Variants in SAMD4B observed in about 807,000 individuals in gnomAD.
SAMD4B encodes the protein sterile alpha motif domain containing 4B.
Under a neutral mutation model 74.5 loss-of-function variants are expected in SAMD4B, and 5 were observed. That is an observed-to-expected ratio of 0.07 (90% CI 0.04 to 0.14). The LOEUF is 0.14. Ranked by LOEUF, SAMD4B falls within the 10% of genes least tolerant of loss-of-function variation. The pLI, the probability that SAMD4B is intolerant of heterozygous loss-of-function variation, is 1.00. For missense variants in SAMD4B, 608 were observed against 921.8 expected, an observed-to-expected ratio of 0.66 and a Z score of 4.41; for synonymous variants, 373 against 374.9, an observed-to-expected ratio of 1.00 and a Z score of 0.06.
Position 39,378,545 on chromosome 19 carries a change from A to C in SAMD4B, c.1486A>C (p.Ile496Leu). 2 of 1,614,020 alleles carry C rather than the reference A, an allele frequency of 1.2e-6. No homozygotes were observed. Among genetic ancestry groups the C allele is most frequent in the Non-Finnish European group, 1.7e-6 (2 of 1,179,954 alleles). ...GGTGTCCCGACCAGACGAGGAGAACATCACCAGTTACCTCCAGCTCATCGA... is the reference window on the plus strand; with the variant it reads ...GGTGTCCCGACCAGACGAGGAGAACCTCACCAGTTACCTCCAGCTCATCGA... The part of the protein sequence containing the change: ...LLVSRPDEEN[I>L]TSYLQLIEKC... The change falls in exon 9 of 14, where the codon ATC (isoleucine) becomes CTC (leucine). Residue 496 changes from isoleucine to leucine, a missense_variant. Ile to Leu is a conservative substitution (Grantham distance 5, BLOSUM62 2). This residue lies in a region of SAMD4B where 27 missense variants were observed against 48.6 expected (regional missense o/e 0.56). Coordinates refer to ENST00000610417, the MANE Select transcript of SAMD4B (RefSeq NM_001384574.2). This position sits in a 1 kb window ranked among gnomAD's most constrained non-coding sequence, Gnocchi z 4.4.
chr19:39,379,579 C>CT (rs1311772086), intron 9 of SAMD4B, among the ~76,000 whole-genome samples: 1 of 152,056 alleles, frequency 6.6e-6, no homozygotes, highest in East Asian at 1.9e-4. Flanking sequence ...AGCAATGAAT[C>CT]TTTTTTTTGG....
At chr19:39,388,718 G>GAGGCAGCAAGGAGCAGGCCAAGGT, downstream of SAMD4B, 3 of 1,608,326 alleles carry the variant, frequency 1.9e-6, no homozygotes, top group Non-Finnish European at 2.6e-6. Flanking sequence ...GTGAGGACAA[G>GAGGCAGCAAGGAGCAGGCCAAGGT]AGGCAGCAAG....
At chr19:39,386,215 C>T (rs1200921107), downstream of SAMD4B, 1 of 1,614,070 alleles carries the variant, frequency 6.2e-7, no homozygotes, top group African/African-American at 1.3e-5. The surrounding 1 kb of genome is among the most constrained non-coding windows in gnomAD (Gnocchi z 6.1). Context: ...TCAGAATCAG[C>T]ATCACTGCCA....
intron 4 of SAMD4B, among the ~76,000 whole-genome samples, chr19:39,371,538 C>T (rs945512617): frequency 6.6e-6 from 1 of 152,060 alleles, no homozygotes; most frequent in Non-Finnish European, 1.5e-5. Flanking sequence ...AGTGCTAGTC[C>T]GGGCATGGTG....
At chr19:39,348,026 G>A (rs1172009317) in intron 1 of SAMD4B, among the ~76,000 whole-genome samples, 2 of 152,164 alleles carry the variant, frequency 1.3e-5, no homozygotes, top group East Asian at 3.9e-4. Context: ...TAGACAGGGG[G>A]ATCAGAAGAG....
Position 39,370,041 on chromosome 19 carries a change from C to T in SAMD4B, c.583C>T (p.Pro195Ser). The T allele has an allele frequency of 6.8e-6, 11 of 1,612,238 alleles. No individual in the cohort carries two copies. The highest frequency in any genetic ancestry group is 4.0e-5 in the African/African-American group (3 of 74,998). ...EAGPGWQDKP[P>S]RENGHVPFHP... The stretch of plus-strand genomic sequence containing the variant: ...AGGGCCAGGCTGGCAGGACAAGCCA[C>T]CCCGGGAAAATGGACACGTGCCCTT... Residue 195 changes from proline (P) to serine (S), a missense_variant, in exon 4 of 14, where the codon CCC becomes TCC. By Grantham distance (74) the Pro-to-Ser change is moderately conservative. Around this residue, in one of 9 missense-constraint regions of SAMD4B, gnomAD observed 153 missense variants for 153.0 expected, o/e 1.00. Transcript: ENST00000610417.
Position 39,380,669 on chromosome 19 carries a change from A to G in SAMD4B, c.1732A>G (p.Met578Val), listed in dbSNP as rs771574389. 7 of 1,613,572 alleles carry G rather than the reference A, an allele frequency of 4.3e-6. No individual in the cohort carries two copies. Among genetic ancestry groups the G allele is most frequent in the Admixed American group, 1.7e-5 (1 of 59,980 alleles). ...CCGGCGTACCCAGCGGCAGTTCCCA[A>G]TGCCTCCCCGGGCCCTCCCACCCGG... Reference protein sequence around the residue: ...VARRTQRQFPMPPRALPPGRM... With the variant: ...VARRTQRQFPVPPRALPPGRM... The change falls in exon 11 of 14, where the codon ATG becomes GTG. Residue 578 changes from methionine (M) to valine (V), a missense_variant. Transcript: ENST00000610417.
At chr19:39,389,699 G>A (rs754964193), downstream of SAMD4B, 3 of 1,614,004 alleles carry the variant, frequency 1.9e-6, no homozygotes, top group African/African-American at 1.3e-5. The surrounding 1 kb of genome is among the most constrained non-coding windows in gnomAD (Gnocchi z 5.3). Context: ...CCCCAGGTCT[G>A]GCTCAGTCAG....
At chr19:39,388,801 C>A (rs201156583), downstream of SAMD4B, 7 of 1,614,158 alleles carry the variant, frequency 4.3e-6, no homozygotes, top group Admixed American at 1.2e-4. Flanking sequence ...CGCAGCTGCA[C>A]CACTCGTGTC....
At chr19:39,359,396 C>T (rs1388159837) in intron 3 of SAMD4B, among the ~76,000 whole-genome samples, 1 of 152,202 alleles carries the variant, frequency 6.6e-6, no homozygotes, top group African/African-American at 2.4e-5. Flanking sequence ...TTCTTCCAGA[C>T]TTCACGTTCT....
chr19:39,376,648 C>G, intron 6 of SAMD4B, 57 bp from the exon 7 acceptor site: 1 of 1,596,496 alleles, frequency 6.3e-7, no homozygotes, highest in Non-Finnish European at 8.6e-7. Flanking sequence ...TTTGGGTACC[C>G]CCAAATATCT....
downstream of SAMD4B, chr19:39,387,104 G>A (rs1568372969): frequency 1.0e-5 from 5 of 489,728 alleles, no homozygotes; most frequent in East Asian, 2.0e-4. Context: ...TATACATCAT[G>A]TGAACATCAT....
chr19:39,386,613 CTGCTGGGTTTTT>C (rs774038758), downstream of SAMD4B: 6 of 1,609,890 alleles, frequency 3.7e-6, no homozygotes. This position sits in a 1 kb window ranked among gnomAD's most constrained non-coding sequence, Gnocchi z 6.1. Context: ...GGAGGGTGTT[CTGCTGGGTTTTT>C]GTCCCCCTCC....
At chr19:39,362,723 G>C (rs758118845) in intron 3 of SAMD4B, among the ~76,000 whole-genome samples, 132 of 152,208 alleles carry the variant, frequency 8.7e-4, no homozygotes, top group Non-Finnish European at 1.4e-3. Context: ...GGTCAGGGGA[G>C]CTGAATTCCA....
chr19:39,368,588 C>G (rs2077109156), intron 3 of SAMD4B, among the ~76,000 whole-genome samples: 1 of 152,116 alleles, frequency 6.6e-6, no homozygotes, highest in African/African-American at 2.4e-5. Context: ...TTGGTGCTTG[C>G]TGGTTGCCAT....
chr19:39,385,973 C>T (rs759878860), downstream of SAMD4B: 4 of 1,612,358 alleles, frequency 2.5e-6, no homozygotes, highest in African/African-American at 2.7e-5. Flanking sequence ...TCTGAACCAG[C>T]CCTGAATGCC....
At chr19:39,388,093 A>T (rs2078292498), downstream of SAMD4B, among the ~76,000 whole-genome samples, 1 of 152,166 alleles carries the variant, frequency 6.6e-6, no homozygotes, top group Non-Finnish European at 1.5e-5. Flanking sequence ...GTGGGCTGAG[A>T]TCACACCACT....
At chr19:39,346,504 G>A (rs1253949866) in intron 1 of SAMD4B, among the ~76,000 whole-genome samples, 1 of 152,140 alleles carries the variant, frequency 6.6e-6, no homozygotes, top group African/African-American at 2.4e-5. Context: ...ATGACCACTG[G>A]TTTTTGAATG....
chr19:39,348,122 C>A (rs2075808956), intron 1 of SAMD4B, among the ~76,000 whole-genome samples: 1 of 152,136 alleles, frequency 6.6e-6, no homozygotes, highest in African/African-American at 2.4e-5. Context: ...GTGGAACATT[C>A]TAATCTAAGC....
Sources: gnomAD v4.1 joint callset for allele counts (sites outside exome capture counted in the v4.1 genomes callset) on GRCh38, gnomAD v4.1.1 for gene constraint, gnomAD v4.1.1 regional missense constraint, Gnocchi (gnomAD v3.1) non-coding constraint, MANE v1.5 for transcripts, NCBI Gene and HGNC (gene_info 2026-07-23, HGNC 2026-07-21) for gene names.